The following SLC1A2 variants were observed in gnomAD, a reference collection of about 807,000 sequenced individuals.
The protein encoded by SLC1A2 is solute carrier family 1 member 2.
SLC1A2 carries 15 observed loss-of-function variants against 48.8 expected under a neutral mutation model. The ratio of observed to expected loss-of-function variants is 0.31; its 90% CI spans 0.21 to 0.47. The LOEUF (loss-of-function observed/expected upper bound fraction) is 0.47, where lower values mean the gene tolerates loss of function less well. SLC1A2 is among the 20% of genes least tolerant of loss of function. The pLI, the probability that SLC1A2 is intolerant of heterozygous loss-of-function variation, is 0.99. For missense variants in SLC1A2, 502 were observed against 730.5 expected (o/e 0.69, Z 3.61); for synonymous variants, 279 against 272.6 (o/e 1.02, Z -0.23).
At chr11:35,318,696 G>C (rs1851960843) in intron 1 of SLC1A2, among the ~76,000 whole-genome samples, 1 of 152,174 alleles carries the variant, frequency 6.6e-6, no homozygotes, top group Admixed American at 6.5e-5. Flanking sequence ...GTGGGGTGTA[G>C]AAAGAAATGC....
At chr11:35,395,494 G>C (rs888118851) in intron 1 of SLC1A2, among the ~76,000 whole-genome samples, 3 of 151,936 alleles carry the variant, frequency 2.0e-5, no homozygotes, top group African/African-American at 7.3e-5. Context: ...AGCATAGCCA[G>C]CACCCGGAAG....
intron 1 of SLC1A2, among the ~76,000 whole-genome samples, chr11:35,358,386 C>T (rs1853558626): frequency 6.6e-6 from 1 of 152,070 alleles, no homozygotes; most frequent in South Asian, 2.1e-4. Context: ...TTTTTAAAAG[C>T]TGAAACTATA....
chr11:35,357,228 G>T (rs919408350), intron 1 of SLC1A2, among the ~76,000 whole-genome samples: 5 of 150,178 alleles, frequency 3.3e-5, no homozygotes, highest in Non-Finnish European at 7.4e-5. Context: ...CTGCACTCCA[G>T]CCTGGGCAAC....
intron 1 of SLC1A2, chr11:35,392,375 G>T (rs10836388): frequency 0.29 from 43,863 of 152,068 alleles, 7,867 homozygotes; most frequent in African/African-American, 0.51. Context: ...CTCGGACGGG[G>T]AGGGCATCCA....
At chr11:35,382,295 A>G (rs1370724921) in intron 1 of SLC1A2, among the ~76,000 whole-genome samples, 1 of 152,204 alleles carries the variant, frequency 6.6e-6, no homozygotes, top group African/African-American at 2.4e-5. Context: ...TCACTATTAC[A>G]GAGATTCTGT....
intron 6 of SLC1A2, chr11:35,298,119 C>A (rs1851229347): frequency 6.6e-6 from 1 of 152,144 alleles, no homozygotes; most frequent in African/African-American, 2.4e-5. Flanking sequence ...AATGGGTTAA[C>A]AAAAGCACCT....
chr11:35,256,210 A>C lies in SLC1A2; in HGVS notation c.*4684T>G, dbSNP rs188276133. 9.8e-5 allele frequency: 15 copies of C among 152,348 alleles called. No homozygotes were observed. Among genetic ancestry groups the C allele is most frequent in the Admixed American group, 9.8e-4 (15 of 15,302 alleles). The allele number at this position is 152,348 out of a possible 1,614,324, so 9.4% of individuals were successfully genotyped here. A position where few individuals can be genotyped will look rare whatever the true frequency, so the allele number is the denominator to read the frequency against. ...CTACCAAACCATGTTGTTTCTTATC[A>C]TCTCTATGTCATTGCCTGAATTAGC... is the stretch of plus-strand genomic sequence containing the variant. On this transcript the variant is annotated 3_prime_UTR_variant, in exon 11 of 11. Transcript: ENST00000278379.
At chr11:35,317,242 G>C in intron 2 of SLC1A2, 135 bp downstream of exon 2, 1 of 798,850 alleles carries the variant, frequency 1.3e-6, no homozygotes, top group South Asian at 1.9e-5. Flanking sequence ...ACTGAAGCCT[G>C]GGCAGACAGG....
At chr11:35,399,662 G>T in intron 1 of SLC1A2, 1 of 930,046 alleles carries the variant, frequency 1.1e-6, no homozygotes, top group Non-Finnish European at 1.3e-6. Flanking sequence ...AAAATAGAGG[G>T]GATATTCAGC....
At chr11:35,318,838 C>T (rs1851966195) in intron 1 of SLC1A2, among the ~76,000 whole-genome samples, 2 of 152,342 alleles carry the variant, frequency 1.3e-5, no homozygotes, top group Non-Finnish European at 2.9e-5. Flanking sequence ...GGGGCTTACC[C>T]ACTTGCCCTG....
At chr11:35,317,713 T>C (rs972147472) in intron 1 of SLC1A2, among the ~76,000 whole-genome samples, 197 bp from the exon 2 acceptor site, 2 of 152,078 alleles carry the variant, frequency 1.3e-5, no homozygotes, top group Non-Finnish European at 2.9e-5. Flanking sequence ...ATCCTCCCAG[T>C]AAAGGAAAGG....
chr11:35,302,936 A>T (rs965856953), intron 5 of SLC1A2, among the ~76,000 whole-genome samples: 10 of 149,878 alleles, frequency 6.7e-5, no homozygotes, highest in Non-Finnish European at 1.3e-4. Context: ...TCTATAAATC[A>T]GTGTTGCTAT....
At position 35,402,160 on chromosome 11, in the gene SLC1A2, T is replaced by G. The variant is rs184989767; in HGVS notation, c.17+16790A>C. ...AGCTAAAACCTTTGGGTGACTTTGGTGTGCGAATGAGATGACCAGTGGCTG... is the reference window on the plus strand; with the variant it reads ...AGCTAAAACCTTTGGGTGACTTTGGGGTGCGAATGAGATGACCAGTGGCTG... On this transcript the variant is annotated intron_variant, in intron 1 of 10. Transcript: ENST00000278379. Among the ~76,000 whole-genome samples, 640 of 152,224 alleles carry G rather than the reference T, an allele frequency of 4.2e-3. 6 individuals are homozygous for G. Among genetic ancestry groups the G allele is most frequent in the African/African-American group, 0.013 (536 of 41,530 alleles).
At chr11:35,391,955 G>A (rs1854783009) in intron 1 of SLC1A2, among the ~76,000 whole-genome samples, 1 of 152,078 alleles carries the variant, frequency 6.6e-6, no homozygotes, top group South Asian at 2.1e-4. Context: ...CTTGATTTAG[G>A]CTAGAAGTCC....
chr11:35,373,192 A>C (rs1185139608), intron 1 of SLC1A2, among the ~76,000 whole-genome samples: 1 of 152,218 alleles, frequency 6.6e-6, no homozygotes, highest in Non-Finnish European at 1.5e-5. Context: ...GGGCCCAGTC[A>C]CAGGAAGAGG....
chr11:35,313,828 A>G (rs55709010), intron 3 of SLC1A2, among the ~76,000 whole-genome samples: 29,910 of 152,076 alleles, frequency 0.2, 3,449 homozygotes, highest in Admixed American at 0.27. Context: ...CCAGCATTTC[A>G]GGTACTGGGG....
chr11:35,399,501 G>A (rs1212851575), intron 1 of SLC1A2: 2 of 377,910 alleles, frequency 5.3e-6, no homozygotes, highest in African/African-American at 4.4e-5. Context: ...AGCCACAGCA[G>A]GAGGTAGAGC....
chr11:35,383,368 T>C lies in SLC1A2; in HGVS notation c.17+35582A>G, dbSNP rs1854489826. ...GTTGTTGTTATTTTTATAATGGTTA[T>C]TATGAAAGAAATAAGCCTAAGAAAA... On this transcript the variant is annotated intron_variant, in intron 1 of 10. Coordinates refer to ENST00000278379, the MANE Select transcript of SLC1A2 (RefSeq NM_004171.4). Among the ~76,000 whole-genome samples the C allele has an allele frequency of 2.0e-5, 3 of 152,304 alleles. No individual in the cohort carries two copies. The South Asian group carries it at 6.2e-4, about 32-fold the overall frequency.
intron 8 of SLC1A2, 47 bp downstream of exon 8, chr11:35,286,710 G>A (rs746740554): frequency 1.4e-6 from 2 of 1,429,078 alleles, no homozygotes; most frequent in South Asian, 1.3e-5. Flanking sequence ...TAGTGTGGAG[G>A]GGAAACAGGG....
Sources: gnomAD v4.1 joint callset for allele counts (sites outside exome capture counted in the v4.1 genomes callset) on GRCh38, gnomAD v4.1.1 for gene constraint, MANE v1.5 for transcripts, NCBI Gene and HGNC (gene_info 2026-07-23, HGNC 2026-07-21) for gene names.